Variants in DAPK1 observed in about 807,000 individuals in gnomAD.
DAPK1 encodes the protein death associated protein kinase 1, also known as death-associated protein kinase 1.
In DAPK1, 56 loss-of-function variants were observed where a neutral mutation model predicts 144.9. The ratio of observed to expected loss-of-function variants is 0.39; its 90% CI spans 0.31 to 0.48. The LOEUF (loss-of-function observed/expected upper bound fraction) is 0.48. DAPK1 is among the 20% of genes least tolerant of loss of function. The pLI is 0.95. For synonymous variants in DAPK1, 690 were observed against 749.0 expected, an observed-to-expected ratio of 0.92 and a Z score of 1.29; for missense variants, 1,454 against 1,875.4, an observed-to-expected ratio of 0.78 and a Z score of 4.15.
At chr9:87,642,761 A>G (rs567347182) in intron 10 of DAPK1, among the ~76,000 whole-genome samples, 204 of 152,330 alleles carry the variant, frequency 1.3e-3, no homozygotes, top group Non-Finnish European at 2.4e-3. Flanking sequence ...GAGGAAGACC[A>G]CAGCACTAGA....
chr9:87,617,776 T>G (rs569743631), intron 3 of DAPK1, among the ~76,000 whole-genome samples: 1 of 152,090 alleles, frequency 6.6e-6, no homozygotes, highest in African/African-American at 2.4e-5. Flanking sequence ...CCAAGACGGG[T>G]CTCCCCAGGT....
chr9:87,632,240 T>C, intron 3 of DAPK1: 2 of 981,482 alleles, frequency 2.0e-6, no homozygotes, highest in Non-Finnish European at 2.4e-6. Context: ...GATCGGTATA[T>C]ATAGGAGTGA....
At chr9:87,607,373 A>G in intron 3 of DAPK1, among the ~76,000 whole-genome samples, 1 of 152,198 alleles carries the variant, frequency 6.6e-6, no homozygotes, top group Non-Finnish European at 1.5e-5. Flanking sequence ...GCCTTTTCAG[A>G]TAATTCCCAG....
rs35938750 is a variant in DAPK1 at position 87,560,667 on chromosome 9, C to CT, written c.63-44269dup. 1.5e-3 allele frequency among the ~76,000 whole-genome samples: 204 copies of CT among 133,294 alleles called. 1 individual carries two copies. The East Asian group carries it at 0.022, about 15-fold the overall frequency. 87.4% of individuals were successfully genotyped at this position (133,294 alleles called of 152,430 possible). On this transcript the variant is annotated intron_variant, in intron 2 of 25. Coordinates refer to ENST00000408954, the MANE Select transcript of DAPK1 (RefSeq NM_004938.4). Reference sequence around the variant, plus strand: ...ACGTTGAGGCATGTGTCAGAACGTACTTTTTTTTTTTTTTTTTTGAGACAG... The same window carrying CT: ...ACGTTGAGGCATGTGTCAGAACGTACTTTTTTTTTTTTTTTTTTTGAGACAG...
At position 87,671,077 on chromosome 9, in the gene DAPK1, G is replaced by A. The variant is rs549697275; in HGVS notation, c.2001+2403G>A. Among the ~76,000 whole-genome samples, 5 of 152,340 alleles carry A rather than the reference G, an allele frequency of 3.3e-5. No individual in the cohort carries two copies. In the South Asian group the frequency reaches 1.0e-3, roughly 32 times the overall value. On this transcript the variant is annotated intron_variant, in intron 19 of 25. Transcript: ENST00000408954. ...ACTAGCCGGGGATGGTCGGATCGGT[G>A]GTGGGTGGAAGGTCCTTCTCCCGTC...
chr9:87,623,597 G>A (rs1829384492), intron 3 of DAPK1, among the ~76,000 whole-genome samples: 1 of 152,166 alleles, frequency 6.6e-6, no homozygotes, highest in Non-Finnish European at 1.5e-5. Context: ...TTAATTTTAG[G>A]AGACATTGGG....
intron 2 of DAPK1, among the ~76,000 whole-genome samples, chr9:87,589,599 C>T (rs1216843706): frequency 2.0e-5 from 3 of 152,130 alleles, no homozygotes; most frequent in Middle Eastern, 6.8e-3. Context: ...CCTCCCCAAT[C>T]CTGTACTTGT....
chr9:87,659,234 C>G (rs1400239743), intron 18 of DAPK1, among the ~76,000 whole-genome samples: 1 of 152,158 alleles, frequency 6.6e-6, no homozygotes, highest in Non-Finnish European at 1.5e-5. Context: ...CAGTGGGGGG[C>G]CCAGCTCTGT....
intron 2 of DAPK1, chr9:87,525,356 C>T (rs957326421): frequency 1.1e-5 from 17 of 1,611,140 alleles, no homozygotes; most frequent in South Asian, 2.2e-5. Flanking sequence ...CCAGGGTTCT[C>T]GCTCTTGTTG....
chr9:87,645,771 G>T, intron 11 of DAPK1, 124 bp from the exon 12 acceptor site: 1 of 1,238,220 alleles, frequency 8.1e-7, no homozygotes, highest in Non-Finnish European at 1.1e-6. Flanking sequence ...TGGATTTGGG[G>T]AGTAAATGGC....
At chr9:87,551,868 C>G (rs1826498256) in intron 2 of DAPK1, among the ~76,000 whole-genome samples, 1 of 152,132 alleles carries the variant, frequency 6.6e-6, no homozygotes, top group Non-Finnish European at 1.5e-5. Context: ...GAGGGGCGGG[C>G]GCTGCTGATA....
At chr9:87,559,616 G>T (rs1212867244) in intron 2 of DAPK1, among the ~76,000 whole-genome samples, 6 of 152,166 alleles carry the variant, frequency 3.9e-5, no homozygotes, top group Non-Finnish European at 2.9e-5. Context: ...CCTTGGACTT[G>T]ATTAGCACTG....
intron 2 of DAPK1, among the ~76,000 whole-genome samples, chr9:87,579,008 A>G (rs1454287136): frequency 6.6e-6 from 1 of 152,244 alleles, no homozygotes; most frequent in African/African-American, 2.4e-5. Flanking sequence ...ATTTAGGATG[A>G]CACCCTCATA....
rs377542947 is a variant in DAPK1 at position 87,706,745 on chromosome 9, C to G, written c.3674C>G (p.Thr1225Ser). Residue 1225 changes from threonine (T) to serine (S), a missense_variant, in exon 26 of 26, where the codon ACC (threonine) becomes AGC (serine). Thr to Ser is a moderately conservative substitution (Grantham distance 58). This residue lies in a region of DAPK1 where 1,025 missense variants were observed against 1,237.9 expected (regional missense o/e 0.83). Coordinates refer to ENST00000408954, the MANE Select transcript of DAPK1 (RefSeq NM_004938.4). This position sits in a 1 kb window ranked among gnomAD's most constrained non-coding sequence, Gnocchi z 9.0. ...AGCACCATTGAGAACGTCATGGCCA[C>G]CACGCTGCCAGGGCTCCTGACCGTG... ...VCSTIENVMA[T>S]TLPGLLTVKH... 74 of 1,613,404 alleles carry G rather than the reference C, an allele frequency of 4.6e-5. No individual in the cohort carries two copies. In the African/African-American group the frequency reaches 9.6e-4, roughly 21 times the overall value.
chr9:87,508,698 T>G (rs868116892), intron 2 of DAPK1, among the ~76,000 whole-genome samples: 1 of 152,174 alleles, frequency 6.6e-6, no homozygotes, highest in Non-Finnish European at 1.5e-5. Flanking sequence ...ACCCACAGTA[T>G]AGAATTTTCC....
intron 2 of DAPK1, among the ~76,000 whole-genome samples, chr9:87,508,023 T>C (rs1476173359): frequency 2.0e-5 from 3 of 152,158 alleles, no homozygotes; most frequent in Admixed American, 6.5e-5. Context: ...AACTTTTCCC[T>C]TTTTTTGGAG....
intron 2 of DAPK1, among the ~76,000 whole-genome samples, chr9:87,566,210 A>T (rs1022127007): frequency 2.6e-5 from 4 of 151,870 alleles, no homozygotes; most frequent in Non-Finnish European, 5.9e-5. Context: ...TTTAGTAGAG[A>T]TGGGGTTTCA....
chr9:87,537,136 G>A (rs550329940), intron 2 of DAPK1, among the ~76,000 whole-genome samples: 4 of 152,162 alleles, frequency 2.6e-5, no homozygotes, highest in Non-Finnish European at 5.9e-5. Context: ...ACAGGCGCCT[G>A]CCACCACGCC....
chr9:87,642,658 G>T (rs565328753), intron 10 of DAPK1, among the ~76,000 whole-genome samples: 1 of 152,258 alleles, frequency 6.6e-6, no homozygotes, highest in South Asian at 2.1e-4. Flanking sequence ...GTCAAACCTA[G>T]AGGAAGTGGG....
Sources: allele counts gnomAD v4.1 joint callset (sites outside exome capture counted in the v4.1 genomes callset), GRCh38; gene constraint gnomAD v4.1.1; regional missense constraint gnomAD v4.1.1; non-coding constraint Gnocchi (gnomAD v3.1); transcripts MANE v1.5; gene names NCBI Gene and HGNC (gene_info 2026-07-23, HGNC 2026-07-21).